BMP6: variants seen among roughly 807,000 people sequenced by gnomAD.
The protein encoded by BMP6 is VG-1-R.
Under a neutral mutation model 54.1 loss-of-function variants are expected in BMP6, and 17 were observed. That is an observed-to-expected ratio of 0.31 (90% CI 0.22 to 0.47). The LOEUF is 0.47. BMP6 is among the 20% of genes least tolerant of loss of function. BMP6 has a pLI of 1.00. For synonymous variants in BMP6, 328 were observed against 291.2 expected, an observed-to-expected ratio of 1.13 and a Z score of -1.28; for missense variants, 720 against 690.4, an observed-to-expected ratio of 1.04 and a Z score of -0.48.
At chr6:7,797,903 TG>T (rs944765637) in intron 1 of BMP6, among the ~76,000 whole-genome samples, 2 of 152,216 alleles carry the variant, frequency 1.3e-5, no homozygotes, top group Non-Finnish European at 2.9e-5. Flanking sequence ...CATGATGCTT[TG>T]AGAAACATAG....
At chr6:7,766,224 A>G (rs1757685952) in intron 1 of BMP6, among the ~76,000 whole-genome samples, 1 of 152,166 alleles carries the variant, frequency 6.6e-6, no homozygotes, top group African/African-American at 2.4e-5. Flanking sequence ...GATGGAAGAA[A>G]GATCCTATGA....
intron 4 of BMP6, among the ~76,000 whole-genome samples, chr6:7,876,704 C>A (rs752385102): frequency 3.9e-5 from 6 of 152,150 alleles, no homozygotes; most frequent in Admixed American, 6.5e-5. Flanking sequence ...CCTGTTTAAT[C>A]TGATCTTTAG....
chr6:7,727,838 C>T (rs918376119), intron 1 of BMP6, among the ~76,000 whole-genome samples: 21 of 151,516 alleles, frequency 1.4e-4, no homozygotes, highest in African/African-American at 9.7e-5. Context: ...CGCCGAGGCC[C>T]CCAGAGGCGG....
chr6:7,726,950 G>A lies in BMP6; in HGVS notation c.-6G>A, dbSNP rs2113094103. The A allele has an allele frequency of 8.8e-7, 1 of 1,134,178 alleles. No individual in the cohort carries two copies. The highest frequency in any genetic ancestry group is 1.1e-6 in the Non-Finnish European group (1 of 925,372). 70.3% of individuals were successfully genotyped at this position (1,134,178 alleles called of 1,614,324 possible). On this transcript the variant is annotated 5_prime_UTR_variant, in exon 1 of 7. Coordinates refer to ENST00000283147, the MANE Select transcript of BMP6 (RefSeq NM_001718.6). ...GGATCCGCGGGGGCAGCCCGGCCGG[G>A]CGGGGATGCCGGGGCTGGGGCGGAG...
At chr6:7,792,858 C>A (rs1278519927) in intron 1 of BMP6, among the ~76,000 whole-genome samples, 1 of 152,144 alleles carries the variant, frequency 6.6e-6, no homozygotes, top group Non-Finnish European at 1.5e-5. Flanking sequence ...AAGATGAACC[C>A]CTTTGCAGCT....
At chr6:7,750,174 T>G (rs1278847821) in intron 1 of BMP6, among the ~76,000 whole-genome samples, 1 of 152,208 alleles carries the variant, frequency 6.6e-6, no homozygotes, top group Admixed American at 6.5e-5. Flanking sequence ...GCGTGCTAGC[T>G]CAAACATTTA....
chr6:7,829,376 G>T (rs1442496313), intron 1 of BMP6, among the ~76,000 whole-genome samples: 3 of 152,048 alleles, frequency 2.0e-5, no homozygotes, highest in Admixed American at 2.0e-4. Flanking sequence ...GAAAAACCTT[G>T]ATGGTAGGGA....
At chr6:7,819,489 T>C (rs1403656974) in intron 1 of BMP6, among the ~76,000 whole-genome samples, 1 of 152,068 alleles carries the variant, frequency 6.6e-6, no homozygotes, top group African/African-American at 2.4e-5. Context: ...AATTTGAATT[T>C]GGCAAACGGA....
intron 1 of BMP6, among the ~76,000 whole-genome samples, chr6:7,759,654 A>G (rs1757578687): frequency 6.6e-6 from 1 of 151,902 alleles, no homozygotes; most frequent in Non-Finnish European, 1.5e-5. Context: ...AAAAGAATTT[A>G]AAAAAAAGAA....
intron 2 of BMP6, among the ~76,000 whole-genome samples, chr6:7,859,818 C>T (rs1169487819): frequency 4.6e-5 from 7 of 152,114 alleles, no homozygotes; most frequent in African/African-American, 1.4e-4. Context: ...CTCTGTTAAG[C>T]AGCTGAGTAA....
At chr6:7,832,822 AC>A (rs1399924878) in intron 1 of BMP6, among the ~76,000 whole-genome samples, 1 of 150,518 alleles carries the variant, frequency 6.6e-6, no homozygotes, top group African/African-American at 2.5e-5. Context: ...AGGAAAGCTC[AC>A]TTCCAGGGCA....
chr6:7,854,384 T>TA (rs111496504), intron 2 of BMP6, among the ~76,000 whole-genome samples: 46 of 148,542 alleles, frequency 3.1e-4, no homozygotes, highest in African/African-American at 6.2e-4. Context: ...AACATCTTTT[T>TA]AAAAAAAAAA....
intron 1 of BMP6, among the ~76,000 whole-genome samples, chr6:7,729,089 C>T (rs964035607): frequency 1.3e-5 from 2 of 152,138 alleles, no homozygotes; most frequent in African/African-American, 2.4e-5. Flanking sequence ...CTTGCACTGC[C>T]CGGGGTTCTG....
chr6:7,827,873 A>C (rs78918241), intron 1 of BMP6, among the ~76,000 whole-genome samples: 3,533 of 152,294 alleles, frequency 0.023, 146 homozygotes, highest in African/African-American at 0.078. Context: ...ACCCAAAAGC[A>C]CCTTGGTAGA....
chr6:7,786,180 C>T (rs1358893), intron 1 of BMP6, among the ~76,000 whole-genome samples: 55,191 of 151,874 alleles, frequency 0.36, 10,272 homozygotes, highest in East Asian at 0.55. Context: ...TTTCCTTCTC[C>T]GTGACTTGCT....
intron 2 of BMP6, among the ~76,000 whole-genome samples, chr6:7,856,871 C>T (rs1049074978): frequency 3.9e-4 from 59 of 152,074 alleles, no homozygotes; most frequent in African/African-American, 1.4e-3. Context: ...GCTGGGATTA[C>T]AGGCGTGAGC....
rs185534196 is a variant in BMP6 at position 7,808,013 on chromosome 6, C to T, written c.665-37127C>T. On this transcript the variant is annotated intron_variant, in intron 1 of 6. Coordinates refer to ENST00000283147, the MANE Select transcript of BMP6 (RefSeq NM_001718.6). ...TCAGCTCACTGCAATCTCCACTTCG[C>T]GGGTTCACGCCATTCTCCTGCCTCA... is the stretch of plus-strand genomic sequence containing the variant. 2.6e-4 allele frequency among the ~76,000 whole-genome samples: 39 copies of T among 148,988 alleles called. 1 individual carries two copies. In the South Asian group the frequency reaches 4.0e-3, roughly 15 times the overall value.
intron 4 of BMP6, among the ~76,000 whole-genome samples, chr6:7,876,470 G>C (rs1011792633): frequency 6.6e-6 from 1 of 152,126 alleles, no homozygotes; most frequent in Admixed American, 6.5e-5. Flanking sequence ...ATTCCTATTA[G>C]AAATTTGTTG....
intron 1 of BMP6, among the ~76,000 whole-genome samples, chr6:7,809,081 T>G (rs1158450330): frequency 6.6e-6 from 1 of 151,416 alleles, no homozygotes; most frequent in Non-Finnish European, 1.5e-5. Context: ...GGGCTCCATT[T>G]CTTCCAATGG....
Sources: allele counts gnomAD v4.1 joint callset (sites outside exome capture counted in the v4.1 genomes callset), GRCh38; gene constraint gnomAD v4.1.1; transcripts MANE v1.5; gene names NCBI Gene and HGNC (gene_info 2026-07-23, HGNC 2026-07-21).